The following OGN variants were observed in gnomAD, a reference collection of about 807,000 sequenced individuals.
OGN encodes osteoglycin.
Under a neutral mutation model 30.8 loss-of-function variants are expected in OGN, and 19 were observed. That is an observed-to-expected ratio of 0.62 (90% confidence interval 0.43 to 0.90). OGN has a LOEUF of 0.90. OGN is among the 40% of genes least tolerant of loss of function. The probability of loss-of-function intolerance (pLI) is 0.00; values close to 1 mark genes in which losing one functional copy is unlikely to be tolerated. For missense variants in OGN, 283 were observed against 349.7 expected, an observed-to-expected ratio of 0.81 and a Z score of 1.52; for synonymous variants, 126 against 128.3, an observed-to-expected ratio of 0.98 and a Z score of 0.12.
chr9:92,392,702 G>C (rs1425274923), intron 4 of OGN, among the ~76,000 whole-genome samples: 5 of 152,136 alleles, frequency 3.3e-5, no homozygotes, highest in Non-Finnish European at 7.4e-5. Flanking sequence ...GTTAAAGTAA[G>C]AAAAAGCACT....
chr9:92,394,804 A>C (rs1390973801), intron 3 of OGN, among the ~76,000 whole-genome samples: 1 of 151,058 alleles, frequency 6.6e-6, no homozygotes, highest in Non-Finnish European at 1.5e-5. Flanking sequence ...ACTGGGTTTC[A>C]CCATGTTGGC....
chr9:92,396,258 T>G (rs1287591590), intron 3 of OGN, among the ~76,000 whole-genome samples: 1 of 152,228 alleles, frequency 6.6e-6, no homozygotes, highest in Admixed American at 6.5e-5. Context: ...TCTTGATTCC[T>G]GTACCTTTGT....
chr9:92,392,611 T>A (rs1390310110), intron 4 of OGN, among the ~76,000 whole-genome samples: 5 of 149,884 alleles, frequency 3.3e-5, no homozygotes, highest in Non-Finnish European at 3.0e-5. Context: ...CAAGACTCCA[T>A]GTCGGGTTGG....
intron 3 of OGN, among the ~76,000 whole-genome samples, chr9:92,396,627 G>T (rs1842903087): frequency 6.6e-6 from 1 of 150,958 alleles, no homozygotes; most frequent in South Asian, 2.1e-4. Context: ...ACAGTCGCAT[G>T]ATCATGGTTC....
At chr9:92,393,023 G>A (rs983716224) in intron 4 of OGN, 63 bp downstream of exon 4, 1 of 1,326,144 alleles carries the variant, frequency 7.5e-7, no homozygotes, top group Non-Finnish European at 1.0e-6. Context: ...ATAGAAACTT[G>A]TGTTTATATG....
chr9:92,403,420 CA>C lies in OGN; in HGVS notation c.-14del. 6.3e-7 allele frequency: 1 copy of C among 1,591,362 alleles called. No homozygotes were observed. Reference sequence around the variant, plus strand: ...GCAGAGTCTTCATTTTAGCAAAAATCAAGGTGACTGGAAGTTAATAAACTAG... The same window carrying C: ...GCAGAGTCTTCATTTTAGCAAAAATCAGGTGACTGGAAGTTAATAAACTAG... On this transcript the variant is annotated 5_prime_UTR_variant, in exon 2 of 7. Coordinates refer to ENST00000375561, the MANE Select transcript of OGN (RefSeq NM_014057.5).
rs1842600296 is a variant in OGN at position 92,389,905 on chromosome 9, A to G, written c.579T>C (p.Asn193=). 4 of 1,613,196 alleles carry G rather than the reference A, an allele frequency of 2.5e-6. No individual in the cohort carries two copies. The highest frequency in any genetic ancestry group is 3.4e-6 in the Non-Finnish European group (4 of 1,179,556). The change falls in exon 5 of 7, where the codon AAT becomes AAC. Residue 193 remains asparagine (N), a synonymous_variant. Transcript: ENST00000375561. ...PVLPPKLTLF[N]AKYNKIKSRG... The stretch of plus-strand genomic sequence containing the variant: ...TACTCTTGATTTTGTTGTATTTTGC[A>G]TTAAATAAAGTGAGCTTGGGAGGAA...
In OGN at chr9:92,396,769, A is replaced by G. The variant is rs189311081; in HGVS notation, c.269-3525T>C. On this transcript the variant is annotated intron_variant, in intron 3 of 6. Coordinates refer to ENST00000375561, the MANE Select transcript of OGN (RefSeq NM_014057.5). ...TTTTTTGTAGAGACATGGTGTCACT[A>G]TGTTGCCCAAGCTGGTCTCAAACTC... Among the ~76,000 whole-genome samples, 310 of 152,082 alleles carry G rather than the reference A, an allele frequency of 2.0e-3. 2 individuals are homozygous for G. The highest frequency in any genetic ancestry group is 7.0e-3 in the African/African-American group (292 of 41,510).
rs556016259 is a variant in OGN, at chr9:92,383,334, G to A, written c.*2286C>T. The stretch of plus-strand genomic sequence containing the variant: ...GAAGTTCCATTTTATTTGTGTGAAA[G>A]CATCATTGAGATTTTGATGGCAACT... On this transcript the variant is annotated 3_prime_UTR_variant, in exon 7 of 7. Coordinates refer to ENST00000375561, the MANE Select transcript of OGN (RefSeq NM_014057.5). 1.4e-4 allele frequency among the ~76,000 whole-genome samples: 22 copies of A among 152,230 alleles called. No homozygotes were observed. Among genetic ancestry groups the A allele is most frequent in the African/African-American group, 1.9e-4 (8 of 41,526 alleles).
intron 3 of OGN, among the ~76,000 whole-genome samples, chr9:92,400,106 T>C (rs1193717843): frequency 6.6e-6 from 1 of 152,170 alleles, no homozygotes; most frequent in African/African-American, 2.4e-5. Context: ...TTTATGATTT[T>C]GAGTCATTCC....
At chr9:92,393,281 C>T (rs2274966) in intron 3 of OGN, 37 bp from the exon 4 acceptor site, 12 of 1,524,030 alleles carry the variant, frequency 7.9e-6, no homozygotes, top group East Asian at 4.6e-5. Context: ...TATGAACAAT[C>T]GTTTGAAAAT....
intron 3 of OGN, among the ~76,000 whole-genome samples, chr9:92,397,840 G>A (rs1017254146): frequency 6.6e-6 from 1 of 152,140 alleles, no homozygotes; most frequent in Non-Finnish European, 1.5e-5. Flanking sequence ...ACATGCATAT[G>A]TATACCATAT....
At chr9:92,390,108 A>G (rs1842610891) in intron 4 of OGN, 52 bp from the exon 5 acceptor site, 11 of 1,047,482 alleles carry the variant, frequency 1.1e-5, no homozygotes, top group Non-Finnish European at 1.6e-5. Context: ...TTCTTATTGT[A>G]TGGACTGAAG....
intron 3 of OGN, among the ~76,000 whole-genome samples, chr9:92,396,652 C>T (rs1182703023): frequency 1.3e-5 from 2 of 151,506 alleles, no homozygotes; most frequent in Non-Finnish European, 2.9e-5. Context: ...CAAACCTCGA[C>T]CTCCTGGGCT....
chr9:92,403,936 T>C (rs1407719181), intron 1 of OGN, among the ~76,000 whole-genome samples: 1 of 152,218 alleles, frequency 6.6e-6, no homozygotes, highest in Non-Finnish European at 1.5e-5. Flanking sequence ...AAAGTAGTCA[T>C]TAACACCTTT....
At chr9:92,401,235 C>T (rs1238484681) in intron 2 of OGN, 50 bp from the exon 3 acceptor site, 2 of 840,862 alleles carry the variant, frequency 2.4e-6, no homozygotes, top group Admixed American at 2.0e-5. Flanking sequence ...GTCTGTGTTT[C>T]TCTGTAAAAT....
chr9:92,402,912 A>T (rs1465863211), intron 2 of OGN, among the ~76,000 whole-genome samples: 9 of 152,176 alleles, frequency 5.9e-5, no homozygotes, highest in African/African-American at 1.9e-4. Context: ...GCAACACAAC[A>T]TTGCAAGTAT....
chr9:92,404,699 T>C (rs771726745), upstream of OGN: 83 of 1,219,566 alleles, frequency 6.8e-5, no homozygotes, highest in Non-Finnish European at 8.4e-5. Flanking sequence ...TGAAATGCAG[T>C]GTGTTGTACT....
chr9:92,399,328 T>A lies in OGN; in HGVS notation c.268+1764A>T, dbSNP rs545582576. Reference sequence around the variant, plus strand: ...TGTGAGATTGAACACTTATTTGGGTTAAATCATTTAAATCATCTTGTGAAC... The same window carrying A: ...TGTGAGATTGAACACTTATTTGGGTAAAATCATTTAAATCATCTTGTGAAC... On this transcript the variant is annotated intron_variant, in intron 3 of 6. Transcript: ENST00000375561. Among the ~76,000 whole-genome samples, 14 of 152,346 alleles carry A rather than the reference T, an allele frequency of 9.2e-5. No individual in the cohort carries two copies. In the East Asian group the frequency reaches 1.7e-3, roughly 19 times the overall value.
Sources: gnomAD v4.1 joint callset for allele counts (sites outside exome capture counted in the v4.1 genomes callset) on GRCh38, gnomAD v4.1.1 for gene constraint, MANE v1.5 for transcripts, NCBI Gene and HGNC (gene_info 2026-07-23, HGNC 2026-07-21) for gene names.